The following QKI variants were observed in gnomAD, a reference collection of about 807,000 sequenced individuals.
QKI encodes KH domain-containing RNA-binding protein QKI.
Under a neutral mutation model 39.0 loss-of-function variants are expected in QKI, and 10 were observed. The ratio of observed to expected loss-of-function variants is 0.26; its 90% CI spans 0.16 to 0.43. The LOEUF is 0.43. Among genes scored for constraint, QKI ranks in the 20% least tolerant of loss-of-function variants. QKI has a pLI of 1.00. For synonymous variants in QKI, 204 were observed against 155.4 expected (o/e 1.31, Z -2.33); for missense variants, 218 against 428.0 (o/e 0.51, Z 4.33).
intron 4 of QKI, among the ~76,000 whole-genome samples, chr6:163,555,477 C>CT (rs1782526855): frequency 8.1e-6 from 1 of 122,872 alleles, no homozygotes; most frequent in Admixed American, 1.1e-4. Flanking sequence ...CGCCACAGCA[C>CT]TGAAGCCTAG....
chr6:163,530,495 C>T (rs928474075), intron 3 of QKI, among the ~76,000 whole-genome samples: 3 of 152,138 alleles, frequency 2.0e-5, no homozygotes, highest in Admixed American at 1.3e-4. Context: ...TTATAATCTG[C>T]TTAAGAAACA....
At chr6:163,515,122 T>G (rs757566482) in intron 3 of QKI, among the ~76,000 whole-genome samples, 13 of 152,136 alleles carry the variant, frequency 8.5e-5, no homozygotes, top group Non-Finnish European at 1.8e-4. Context: ...GAATTAAAAA[T>G]GAACATTTGA....
chr6:163,473,562 C>T (rs1441208829), intron 2 of QKI, among the ~76,000 whole-genome samples: 5 of 152,050 alleles, frequency 3.3e-5, no homozygotes, highest in Non-Finnish European at 5.9e-5. Context: ...AATGAGACAT[C>T]GTTTCAGATC....
At chr6:163,551,291 G>A (rs1391854383) in intron 4 of QKI, among the ~76,000 whole-genome samples, 1 of 152,166 alleles carries the variant, frequency 6.6e-6, no homozygotes, top group Non-Finnish European at 1.5e-5. Context: ...ATTTAATCCT[G>A]TTCTGACGCT....
At chr6:163,501,096 C>T (rs1381604613) in intron 3 of QKI, among the ~76,000 whole-genome samples, 1 of 152,010 alleles carries the variant, frequency 6.6e-6, no homozygotes, top group East Asian at 1.9e-4. Context: ...AATACAATGA[C>T]TTTTAAATTA....
At position 163,450,666 on chromosome 6, in the gene QKI, A is replaced by T. The variant is rs192436605; in HGVS notation, c.143-4613A>T. Among the ~76,000 whole-genome samples, 40 of 152,294 alleles carry T rather than the reference A, an allele frequency of 2.6e-4. No homozygotes were observed. The East Asian group carries it at 3.1e-3, about 12-fold the overall frequency. ...AAATCAAGATAATTAAAGCAGAGAA[A>T]TGTGACGAGGCAGTAAGTAGTAACA... On this transcript the variant is annotated intron_variant, in intron 1 of 7. Coordinates refer to ENST00000361752, the MANE Select transcript of QKI (RefSeq NM_006775.3).
At chr6:163,532,634 C>T (rs140129001) in intron 3 of QKI, among the ~76,000 whole-genome samples, 11 of 152,264 alleles carry the variant, frequency 7.2e-5, no homozygotes, top group African/African-American at 1.2e-4. Context: ...GTCCCTTACC[C>T]GTGGGGAATC....
chr6:163,480,155 T>G (rs1792963118), intron 3 of QKI, among the ~76,000 whole-genome samples: 3 of 152,240 alleles, frequency 2.0e-5, no homozygotes, highest in African/African-American at 4.8e-5. Flanking sequence ...GTTTTGAATT[T>G]CTATTCTTGT....
chr6:163,564,031 T>G, intron 6 of QKI: 1 of 1,160,882 alleles, frequency 8.6e-7, no homozygotes, highest in Non-Finnish European at 1.1e-6. Flanking sequence ...TCCCACCCCA[T>G]TGGCCCGTCA....
chr6:163,519,582 A>G (rs991271060), intron 3 of QKI, among the ~76,000 whole-genome samples: 6 of 151,674 alleles, frequency 4.0e-5, no homozygotes, highest in African/African-American at 1.2e-4. Flanking sequence ...GTTAATATCT[A>G]CCATTCAGGC....
intron 2 of QKI, among the ~76,000 whole-genome samples, chr6:163,476,364 G>A (rs1792606355): frequency 7.6e-6 from 1 of 131,032 alleles, no homozygotes. Context: ...TCTTTATCTT[G>A]TCCTGTCTCT....
At chr6:163,509,151 ATCAG>A (rs1391782847) in intron 3 of QKI, among the ~76,000 whole-genome samples, 7 of 149,840 alleles carry the variant, frequency 4.7e-5, no homozygotes, top group African/African-American at 1.5e-4. Context: ...CAGTCAGTCA[ATCAG>A]TCAGTCAATC....
intron 1 of QKI, among the ~76,000 whole-genome samples, chr6:163,417,857 A>G (rs906949186): frequency 6.6e-6 from 1 of 152,210 alleles, no homozygotes; most frequent in Non-Finnish European, 1.5e-5. Context: ...TTATCAGACC[A>G]GTACAAACAT....
At chr6:163,448,226 T>C (rs919899364) in intron 1 of QKI, among the ~76,000 whole-genome samples, 1 of 152,192 alleles carries the variant, frequency 6.6e-6, no homozygotes, top group Admixed American at 6.5e-5. Flanking sequence ...AGAGGAGTTA[T>C]GATTAATTTA....
At chr6:163,456,677 G>T (rs1360720235) in intron 2 of QKI, among the ~76,000 whole-genome samples, 2 of 151,976 alleles carry the variant, frequency 1.3e-5, no homozygotes. Context: ...CATTTACTCT[G>T]GTTTTATAGG....
chr6:163,574,590 A>C lies in QKI; in HGVS notation c.*3880A>C, dbSNP rs2128254117. 1 of 152,314 alleles carries C rather than the reference A, an allele frequency of 6.6e-6. No homozygotes were observed. Among genetic ancestry groups the C allele is most frequent in the South Asian group, 2.1e-4 (1 of 4,828 alleles). The allele number at this position is 152,314 out of a possible 1,614,324, so 9.4% of individuals were successfully genotyped here. On this transcript the variant is annotated 3_prime_UTR_variant, in exon 8 of 8. Transcript: ENST00000361752. ...AGGGGGAATAACATTGGGATTTGAA[A>C]AGTTGTATGTGATTAATTTCTTGCA...
chr6:163,458,110 A>G (rs558301569), intron 2 of QKI, among the ~76,000 whole-genome samples: 16 of 152,170 alleles, frequency 1.1e-4, no homozygotes, highest in Non-Finnish European at 1.9e-4. Flanking sequence ...GCACAGGGGC[A>G]GTGTCATGCC....
At chr6:163,540,364 T>G (rs751418567) in intron 4 of QKI, among the ~76,000 whole-genome samples, 1 of 152,180 alleles carries the variant, frequency 6.6e-6, no homozygotes, top group African/African-American at 2.4e-5. Context: ...AGATTGTACT[T>G]CCTTCTCTTT....
chr6:163,492,041 T>A (rs1778087551), intron 3 of QKI, among the ~76,000 whole-genome samples: 1 of 152,236 alleles, frequency 6.6e-6, no homozygotes, highest in Admixed American at 6.5e-5. Flanking sequence ...TATTTGAGCA[T>A]CTTGTAGTTG....
Sources: gnomAD v4.1 joint callset for allele counts (sites outside exome capture counted in the v4.1 genomes callset) on GRCh38, gnomAD v4.1.1 for gene constraint, MANE v1.5 for transcripts, NCBI Gene and HGNC (gene_info 2026-07-23, HGNC 2026-07-21) for gene names.